The following EXOC4 variants were observed in gnomAD, a reference collection of about 807,000 sequenced individuals.
EXOC4 encodes exocyst complex component 4, also known as SEC8-like 1.
A neutral mutation model predicts 107.2 loss-of-function variants in EXOC4; 71 were observed. The observed-to-expected ratio is 0.66, with a 90% CI of 0.55 to 0.81. EXOC4 has a LOEUF of 0.81. Among genes scored for constraint, EXOC4 ranks in the 30% least tolerant of loss-of-function variants. The pLI is 0.00. For missense variants in EXOC4, 1,108 were observed against 1,189.6 expected, an observed-to-expected ratio of 0.93 and a Z score of 1.01; for synonymous variants, 456 against 441.2, an observed-to-expected ratio of 1.03 and a Z score of -0.42.
At chr7:134,077,047 G>A in the EXOC4 span, among the ~76,000 whole-genome samples, 1 of 152,072 alleles carries the variant, frequency 6.6e-6, no homozygotes, top group Non-Finnish European at 1.5e-5. Flanking sequence ...CATGATTATG[G>A]AGACTGAGAA....
intron 17 of EXOC4, among the ~76,000 whole-genome samples, chr7:134,025,382 G>A (rs1795117114): frequency 6.7e-6 from 1 of 150,094 alleles, no homozygotes; most frequent in Admixed American, 6.6e-5. Context: ...CCCAGATCTG[G>A]GAAAAGTTAG....
At chr7:133,855,165 AT>A (rs374810348) in intron 11 of EXOC4, among the ~76,000 whole-genome samples, 1,434 of 136,610 alleles carry the variant, frequency 0.01, 56 homozygotes, top group African/African-American at 0.04. Flanking sequence ...AAATATATAT[AT>A]TTTTTTTATC....
At position 133,738,795 on chromosome 7, in the gene EXOC4, A is replaced by G. The variant is rs78599694; in HGVS notation, c.1515-78530A>G. Among the ~76,000 whole-genome samples, 121 of 152,342 alleles carry G rather than the reference A, an allele frequency of 7.9e-4. No homozygotes were observed. The East Asian group carries it at 0.022, about 28-fold the overall frequency. ...GAGCTTGGGTACCATGTGAACCAGC[A>G]TGCCTGTAAGTTTCCTATCAACTCC... On this transcript the variant is annotated intron_variant, in intron 10 of 17. Coordinates refer to ENST00000253861, the MANE Select transcript of EXOC4 (RefSeq NM_021807.4).
intron 12 of EXOC4, among the ~76,000 whole-genome samples, chr7:133,908,852 T>A (rs1240604862): frequency 6.6e-6 from 1 of 152,222 alleles, no homozygotes. Flanking sequence ...TTTTTTATTA[T>A]CATACTTTAA....
chr7:134,008,545 T>A (rs537058758), intron 17 of EXOC4, among the ~76,000 whole-genome samples: 18 of 152,194 alleles, frequency 1.2e-4, no homozygotes, highest in Non-Finnish European at 2.2e-4. Flanking sequence ...TACTTCTCAT[T>A]TCTTCCATCT....
At chr7:133,282,671 A>G in intron 2 of EXOC4, among the ~76,000 whole-genome samples, 1 of 152,172 alleles carries the variant, frequency 6.6e-6, no homozygotes, top group East Asian at 1.9e-4. Context: ...TAAAAATTAC[A>G]TATGTTTGTA....
chr7:133,370,714 G>C (rs1312838696), intron 6 of EXOC4, among the ~76,000 whole-genome samples: 2 of 152,184 alleles, frequency 1.3e-5, no homozygotes, highest in Non-Finnish European at 2.9e-5. Flanking sequence ...GGGGTCGCAA[G>C]ATTTATTTTC....
intron 14 of EXOC4, among the ~76,000 whole-genome samples, chr7:133,951,987 C>G (rs1417572774): frequency 1.3e-5 from 2 of 152,144 alleles, no homozygotes; most frequent in Non-Finnish European, 2.9e-5. Context: ...GAAACCCCAT[C>G]TCTACTAAAA....
intron 10 of EXOC4, among the ~76,000 whole-genome samples, chr7:133,718,422 T>A (rs1795040714): frequency 6.6e-6 from 1 of 152,120 alleles, no homozygotes; most frequent in African/African-American, 2.4e-5. Flanking sequence ...GAATTGGCAG[T>A]TTTCTCTTTT....
chr7:133,312,707 A>G (rs1464176257), intron 4 of EXOC4, among the ~76,000 whole-genome samples: 3 of 151,930 alleles, frequency 2.0e-5, no homozygotes, highest in African/African-American at 7.3e-5. Context: ...CTCATTTTTA[A>G]ATTTTTTTTC....
intron 17 of EXOC4, among the ~76,000 whole-genome samples, chr7:134,019,415 G>GTGATGATGATGATGATGA (rs149056095): frequency 0.02 from 3,042 of 148,726 alleles, 58 homozygotes; most frequent in East Asian, 0.055. Context: ...CTTTCTCTCA[G>GTGATGATGATGATGATGA]TGATGATGAT....
intron 17 of EXOC4, among the ~76,000 whole-genome samples, chr7:134,024,987 G>T (rs957534000): frequency 4.6e-5 from 7 of 152,146 alleles, no homozygotes; most frequent in Non-Finnish European, 1.0e-4. Flanking sequence ...GAGTGATTCT[G>T]GAGAGATTTT....
intron 6 of EXOC4, among the ~76,000 whole-genome samples, chr7:133,366,074 C>G (rs906012708): frequency 3.3e-5 from 5 of 152,158 alleles, no homozygotes; most frequent in African/African-American, 1.2e-4. Flanking sequence ...AGTAAGGCAG[C>G]TTCTTGGCTG....
rs559165569 is a variant in EXOC4, at chr7:133,750,781, A to G, written c.1515-66544A>G. 2.6e-5 allele frequency among the ~76,000 whole-genome samples: 4 copies of G among 152,098 alleles called. 1 individual carries two copies. In the South Asian group the frequency reaches 6.2e-4, roughly 24 times the overall value. ...TTTTCTGTAGATAGGGGATCTCCCT[A>G]TGTTGCCCAAGCTGGTCTCAAACTC... On this transcript the variant is annotated intron_variant, in intron 10 of 17. Transcript: ENST00000253861.
chr7:133,260,036 CT>C (rs60953641), intron 1 of EXOC4, among the ~76,000 whole-genome samples: 48,089 of 150,230 alleles, frequency 0.32, 8,606 homozygotes, highest in African/African-American at 0.49. Flanking sequence ...TTTTCCAGTA[CT>C]TTTTTTTTTG....
rs1466577650 is a variant in EXOC4 at position 133,561,099 on chromosome 7, G to A, written c.1418-68946G>A. 4.6e-5 allele frequency among the ~76,000 whole-genome samples: 7 copies of A among 152,238 alleles called. No homozygotes were observed. In the South Asian group the frequency reaches 1.0e-3, roughly 23 times the overall value. The stretch of plus-strand genomic sequence containing the variant: ...GGCAAGAGGGTGACAGATGTTTGAC[G>A]TCAGTTTGTTCCCTTGTTGTCAGTA... On this transcript the variant is annotated intron_variant, in intron 9 of 17. Coordinates refer to ENST00000253861, the MANE Select transcript of EXOC4 (RefSeq NM_021807.4).
At chr7:133,260,150 G>T (rs1795110887) in intron 1 of EXOC4, among the ~76,000 whole-genome samples, 1 of 151,954 alleles carries the variant, frequency 6.6e-6, no homozygotes, top group Non-Finnish European at 1.5e-5. Context: ...TACTTTATAT[G>T]TGTGGGTTTA....
At chr7:133,413,854 G>A (rs1362680105) in intron 7 of EXOC4, among the ~76,000 whole-genome samples, 1 of 152,032 alleles carries the variant, frequency 6.6e-6, no homozygotes, top group Non-Finnish European at 1.5e-5. Context: ...AGTGAAGGGG[G>A]TATAAAGTCC....
intron 9 of EXOC4, among the ~76,000 whole-genome samples, chr7:133,594,635 A>G (rs895909423): frequency 6.6e-6 from 1 of 151,762 alleles, no homozygotes; most frequent in African/African-American, 2.4e-5. Flanking sequence ...CTGGGACTAC[A>G]GGTGCATGCC....
Sources: allele counts gnomAD v4.1 joint callset (sites outside exome capture counted in the v4.1 genomes callset), GRCh38; gene constraint gnomAD v4.1.1; transcripts MANE v1.5; gene names NCBI Gene and HGNC (gene_info 2026-07-23, HGNC 2026-07-21).